Variants in DENND4C observed in about 807,000 individuals in gnomAD.
The protein encoded by DENND4C is DENN domain containing 4C, also known as DENN domain-containing protein 4C.
Under a neutral mutation model 203.0 loss-of-function variants are expected in DENND4C, and 108 were observed. The ratio of observed to expected loss-of-function variants is 0.53; its 90% CI spans 0.46 to 0.62. The LOEUF is 0.62. DENND4C is among the 20% of genes least tolerant of loss of function. The probability of loss-of-function intolerance (pLI) is 0.00; values close to 1 mark genes in which losing one functional copy is unlikely to be tolerated. For synonymous variants in DENND4C, 871 were observed against 792.4 expected, an observed-to-expected ratio of 1.10 and a Z score of -1.67; for missense variants, 2,481 against 2,301.2, an observed-to-expected ratio of 1.08 and a Z score of -1.60.
chr9:19,301,352 A>C (rs973225731), intron 9 of DENND4C, among the ~76,000 whole-genome samples: 9 of 152,168 alleles, frequency 5.9e-5, no homozygotes, highest in Admixed American at 5.9e-4. Flanking sequence ...GTCTCCTGGG[A>C]GTAAGGACCT....
intron 1 of DENND4C, among the ~76,000 whole-genome samples, chr9:19,275,488 T>G (rs1832713610): frequency 6.6e-6 from 1 of 151,966 alleles, no homozygotes; most frequent in South Asian, 2.1e-4. Flanking sequence ...ATTTATTTTT[T>G]GAGATGGAGT....
At chr9:19,253,690 AT>A in intron 1 of DENND4C, among the ~76,000 whole-genome samples, 1 of 152,314 alleles carries the variant, frequency 6.6e-6, no homozygotes. Flanking sequence ...TTTTATTACA[AT>A]GAGAGGAATT....
chr9:19,231,840 C>G (rs759413544), intron 1 of DENND4C, among the ~76,000 whole-genome samples: 23 of 151,404 alleles, frequency 1.5e-4, no homozygotes, highest in Admixed American at 1.5e-3. Context: ...TGTGCAAACC[C>G]GTGTTGAGGC....
At chr9:19,265,521 G>T (rs893069551) in intron 1 of DENND4C, among the ~76,000 whole-genome samples, 8 of 151,878 alleles carry the variant, frequency 5.3e-5, no homozygotes, top group African/African-American at 1.9e-4. Flanking sequence ...TGTTACATAT[G>T]TATACATGTG....
At chr9:19,354,588 C>A (rs1429351360) in intron 26 of DENND4C, among the ~76,000 whole-genome samples, 2 of 111,696 alleles carry the variant, frequency 1.8e-5, no homozygotes, top group African/African-American at 7.0e-5. Flanking sequence ...GAGTTTCACT[C>A]TTGTCGCCCA....
At chr9:19,252,418 T>C (rs1335721881) in intron 1 of DENND4C, among the ~76,000 whole-genome samples, 3 of 151,936 alleles carry the variant, frequency 2.0e-5, no homozygotes, top group African/African-American at 7.3e-5. Flanking sequence ...ATCATCTACA[T>C]TAAAAAAAAG....
intron 4 of DENND4C, 93 bp downstream of exon 4, chr9:19,288,758 GT>G (rs1236943872): frequency 3.3e-6 from 2 of 605,270 alleles, no homozygotes; most frequent in Non-Finnish European, 4.8e-6. Context: ...CCCTTACATA[GT>G]TTGTAGAATT....
chr9:19,316,951 T>A, intron 12 of DENND4C, 112 bp downstream of exon 12: 1 of 988,242 alleles, frequency 1.0e-6, no homozygotes, highest in East Asian at 2.6e-5. Context: ...CACATTCAAA[T>A]ATAATGAACC....
chr9:19,316,896 G>C lies in DENND4C; in HGVS notation c.1807+57G>C, dbSNP rs1173722160. 3.5e-6 allele frequency: 5 copies of C among 1,412,574 alleles called. No individual in the cohort carries two copies. In the African/African-American group the frequency reaches 7.2e-5, roughly 20 times the overall value. The allele number at this position is 1,412,574 out of a possible 1,614,324, so 87.5% of individuals were successfully genotyped here. ...TTGAGGTGAAAAATATTTTATATTT[G>C]ATGTTGCTGCCAAGAAATACTTATT... On this transcript the variant is annotated intron_variant, in intron 12 of 32. Coordinates refer to ENST00000434457, the MANE Select transcript of DENND4C (RefSeq NM_001330640.2).
intron 23 of DENND4C, among the ~76,000 whole-genome samples, chr9:19,350,030 T>C (rs1823729179): frequency 6.6e-6 from 1 of 152,210 alleles, no homozygotes; most frequent in Non-Finnish European, 1.5e-5. Flanking sequence ...CATGGTTTTA[T>C]AACAAGGAAG....
In DENND4C at chr9:19,286,480, T is replaced by C. The variant is rs192205441; in HGVS notation, c.306-289T>C. On this transcript the variant is annotated intron_variant, in intron 2 of 32. Coordinates refer to ENST00000434457, the MANE Select transcript of DENND4C (RefSeq NM_001330640.2). ...GGTGTTGCCCCTTTCTTTTTTCATA[T>C]GTTTCTTATAATAAGCAATACAAAA... Among the ~76,000 whole-genome samples, 6 of 152,318 alleles carry C rather than the reference T, an allele frequency of 3.9e-5. No individual in the cohort carries two copies. In the East Asian group the frequency reaches 9.6e-4, roughly 24 times the overall value.
chr9:19,350,859 G>C lies in DENND4C; in HGVS notation c.4475G>C (p.Gly1492Ala). The stretch of plus-strand genomic sequence containing the variant: ...AGTAGCAGCAGTAGTGGAGATGTAG[G>C]AAAACTGCATTATCCAACAGGTATG... ...LGSSSSSGDV[G>A]KLHYPTGEVP... is the part of the protein sequence containing the mutation. Residue 1492 changes from glycine (G) to alanine (A), a missense_variant, in exon 24 of 33, where the codon GGA (glycine) becomes GCA (alanine). Physicochemically the swap from Gly to Ala is moderately conservative, Grantham distance 60 (BLOSUM62 0). Around this residue, in one of 3 missense-constraint regions of DENND4C, gnomAD observed 2,289 missense variants for 2,113.3 expected, o/e 1.08. Coordinates refer to ENST00000434457, the MANE Select transcript of DENND4C (RefSeq NM_001330640.2). The C allele has an allele frequency of 1.9e-6, 3 of 1,613,542 alleles. No homozygotes were observed. Among genetic ancestry groups the C allele is most frequent in the Non-Finnish European group, 2.5e-6 (3 of 1,179,758 alleles).
chr9:19,268,490 T>C (rs1588792432), intron 1 of DENND4C, among the ~76,000 whole-genome samples: 1 of 152,226 alleles, frequency 6.6e-6, no homozygotes, highest in Non-Finnish European at 1.5e-5. Context: ...TAATATTCTC[T>C]ATATGTTTGT....
intron 1 of DENND4C, among the ~76,000 whole-genome samples, chr9:19,245,569 G>A (rs1232073908): frequency 7.3e-6 from 1 of 137,626 alleles, no homozygotes; most frequent in East Asian, 2.3e-4. Context: ...AAAATTGTAA[G>A]CATTGGGCCG....
At chr9:19,274,554 C>T (rs1193741853) in intron 1 of DENND4C, among the ~76,000 whole-genome samples, 1 of 152,172 alleles carries the variant, frequency 6.6e-6, no homozygotes, top group African/African-American at 2.4e-5. Flanking sequence ...CTCGGCCTTC[C>T]AAAGTGCTGG....
At position 19,346,901 on chromosome 9, in the gene DENND4C, C is replaced by A. The variant is rs751596796; in HGVS notation, c.4132C>A (p.Leu1378Met). The change falls in exon 23 of 33, where the codon CTG (leucine) becomes ATG (methionine). Residue 1378 changes from leucine to methionine, a missense_variant. Physicochemically the swap from Leu to Met is conservative, Grantham distance 15. Around this residue, in one of 3 missense-constraint regions of DENND4C, gnomAD observed 2,289 missense variants for 2,113.3 expected, o/e 1.08. Transcript: ENST00000434457. The part of the protein sequence containing the change: ...HKERSTSLSA[L>M]VRSSPHGSLG... ...AGAACGTTCAACTTCTTTGTCAGCA[C>A]TGGTGCGTTCTTCGCCACATGGCTC... The A allele has an allele frequency of 6.2e-7, 1 of 1,614,230 alleles. No individual in the cohort carries two copies. Among genetic ancestry groups the A allele is most frequent in the South Asian group, 1.1e-5 (1 of 91,092 alleles).
chr9:19,357,400 C>A, intron 27 of DENND4C: 1 of 420,918 alleles, frequency 2.4e-6, no homozygotes, highest in Non-Finnish European at 4.2e-6. Flanking sequence ...AAAATATTTC[C>A]CTTTTAATAT....
intron 1 of DENND4C, among the ~76,000 whole-genome samples, chr9:19,239,147 T>C (rs1267529677): frequency 5.3e-5 from 8 of 152,288 alleles, no homozygotes; most frequent in African/African-American, 1.9e-4. Context: ...CCCCTTGATT[T>C]AGTCTGCTTT....
At chr9:19,252,259 C>G (rs183915284) in intron 1 of DENND4C, among the ~76,000 whole-genome samples, 12 of 152,114 alleles carry the variant, frequency 7.9e-5, no homozygotes, top group Non-Finnish European at 5.9e-5. Context: ...CATCAGATCT[C>G]GTGAGACTTA....
Sources: gnomAD v4.1 joint callset for allele counts (sites outside exome capture counted in the v4.1 genomes callset) on GRCh38, gnomAD v4.1.1 for gene constraint, gnomAD v4.1.1 regional missense constraint, MANE v1.5 for transcripts, NCBI Gene and HGNC (gene_info 2026-07-23, HGNC 2026-07-21) for gene names.